The following DIAPH2 variants were observed in gnomAD, a reference collection of about 807,000 sequenced individuals.
DIAPH2 encodes the protein diaphanous related formin 2, also known as protein diaphanous homolog 2.
In DIAPH2, 35 loss-of-function variants were observed where a neutral mutation model predicts 92.7. The ratio of observed to expected loss-of-function variants is 0.38; its 90% confidence interval spans 0.29 to 0.50. The LOEUF is 0.50. Ranked by LOEUF, DIAPH2 falls within the 20% of genes least tolerant of loss-of-function variation. DIAPH2 has a pLI of 0.94. For missense variants in DIAPH2, 701 were observed against 819.5 expected (o/e 0.86, Z 1.77); for synonymous variants, 301 against 280.4 (o/e 1.07, Z -0.73).
At chrX:97,448,392 A>C (rs1286089931) in intron 26 of DIAPH2, among the ~76,000 whole-genome samples, 1 of 112,287 alleles carries the variant, frequency 8.9e-6, no homozygotes, top group Admixed American at 9.5e-5. Flanking sequence ...ACATGAAACT[A>C]AAAATTATTT....
intron 7 of DIAPH2, 59 bp downstream of exon 7, chrX:96,912,611 A>T: frequency 9.3e-7 from 1 of 1,079,510 alleles, no homozygotes; most frequent in Non-Finnish European, 1.2e-6. Context: ...CAACACTATG[A>T]AAGTATGAAA....
At position 97,198,265 on chromosome X, in the gene DIAPH2, TACACACACAC is replaced by T. The variant is rs200339851; in HGVS notation, c.2720-49420_2720-49411del. 6.0e-3 allele frequency among the ~76,000 whole-genome samples: 531 copies of T among 89,011 alleles called. 1 individual carries two copies. The highest frequency in any genetic ancestry group is 7.6e-3 in the Non-Finnish European group (350 of 46,234). 77.3% of individuals were successfully genotyped at this position (89,011 alleles called of 115,157 possible). A position where few individuals can be genotyped will look rare whatever the true frequency, so the allele number is the denominator to read the frequency against. On this transcript the variant is annotated intron_variant, in intron 22 of 26. Coordinates refer to ENST00000324765, the MANE Select transcript of DIAPH2 (RefSeq NM_006729.5). ...AGGTATACTAACAACAACAACAAAA[TACACACACAC>T]ACACACACACACACACACACACACA... is the stretch of plus-strand genomic sequence containing the variant.
At chrX:97,345,745 A>AT (rs1290382087) in intron 23 of DIAPH2, among the ~76,000 whole-genome samples, 1 of 111,428 alleles carries the variant, frequency 9.0e-6, no homozygotes, top group Non-Finnish European at 1.9e-5. Flanking sequence ...TAAACTGTTG[A>AT]TTTTGTTTCC....
chrX:97,305,658 T>TA (rs763009569), intron 23 of DIAPH2, among the ~76,000 whole-genome samples: 34 of 105,557 alleles, frequency 3.2e-4, no homozygotes, highest in South Asian at 1.7e-3. Context: ...CATCTCTACT[T>TA]AAAAAAAGAC....
intron 4 of DIAPH2, among the ~76,000 whole-genome samples, chrX:96,816,563 A>G (rs1037049061): frequency 8.9e-6 from 1 of 112,446 alleles, no homozygotes; most frequent in Non-Finnish European, 1.9e-5. Context: ...TGTCTAAAAG[A>G]CAGGCAATAA....
chrX:97,525,328 C>T (rs2071017628), intron 26 of DIAPH2, among the ~76,000 whole-genome samples: 1 of 112,169 alleles, frequency 8.9e-6, no homozygotes. Flanking sequence ...ACTGTGTCCC[C>T]CTGCCTGGAC....
intron 9 of DIAPH2, among the ~76,000 whole-genome samples, chrX:96,921,697 G>T (rs866632439): frequency 9.1e-5 from 8 of 87,986 alleles, no homozygotes; most frequent in Middle Eastern, 5.9e-3. Flanking sequence ...TACCTTTATG[G>T]TTTTTTTTTT....
At chrX:96,958,334 T>G (rs1048715001) in intron 16 of DIAPH2, among the ~76,000 whole-genome samples, 186 bp downstream of exon 16, 2 of 112,063 alleles carry the variant, frequency 1.8e-5, no homozygotes, top group Non-Finnish European at 3.8e-5. Flanking sequence ...AGTTTGACAT[T>G]GTGAAGCAGG....
chrX:96,758,030 T>G, intron 3 of DIAPH2, 124 bp from the exon 4 acceptor site: 1 of 580,761 alleles, frequency 1.7e-6, no homozygotes, highest in East Asian at 4.0e-5. Flanking sequence ...AAAAAGGATT[T>G]TTGACATTAG....
chrX:97,442,453 ATAAGTACCT>A (rs777211958), intron 26 of DIAPH2, among the ~76,000 whole-genome samples: 2 of 112,864 alleles, frequency 1.8e-5, no homozygotes, highest in Admixed American at 9.4e-5. Flanking sequence ...ACAGGTTGTC[ATAAGTACCT>A]TAAAATTTCT....
chrX:96,866,412 C>CT (rs2065105012), intron 4 of DIAPH2, among the ~76,000 whole-genome samples: 1 of 111,883 alleles, frequency 8.9e-6, no homozygotes, highest in Non-Finnish European at 1.9e-5. Flanking sequence ...ATATAGCAGT[C>CT]TTTTCCTTTG....
rs752288985 is a variant in DIAPH2, at chrX:96,949,056, T to C, written c.1614+17T>C. On this transcript the variant is annotated intron_variant, in intron 15 of 26. Transcript: ENST00000324765. ...CGAACCCAGGTAATGAAAGAAGATA[T>C]AGACTTTGTGTCATGTCACAATGAG... The C allele has an allele frequency of 1.7e-5, 18 of 1,080,732 alleles. No homozygotes were observed. Among genetic ancestry groups the C allele is most frequent in the East Asian group, 9.2e-5 (3 of 32,521 alleles). 89.1% of individuals were successfully genotyped at this position (1,080,732 alleles called of 1,213,427 possible).
chrX:97,406,018 G>T (rs1228667487), intron 25 of DIAPH2, among the ~76,000 whole-genome samples: 1 of 111,598 alleles, frequency 9.0e-6, no homozygotes, highest in African/African-American at 3.3e-5. Context: ...CCTTAATGAA[G>T]TCACCTGATC....
chrX:97,091,133 A>T (rs982958744), intron 19 of DIAPH2, among the ~76,000 whole-genome samples: 2 of 110,890 alleles, frequency 1.8e-5, no homozygotes, highest in Admixed American at 1.9e-4. Flanking sequence ...CAGCAACCCC[A>T]CAACTCCCTG....
intron 23 of DIAPH2, among the ~76,000 whole-genome samples, chrX:97,295,816 C>T (rs1719641630): frequency 9.2e-6 from 1 of 108,294 alleles, no homozygotes; most frequent in African/African-American, 3.4e-5. Context: ...ACTGCAACCT[C>T]CGCCTCTCAG....
intron 17 of DIAPH2, among the ~76,000 whole-genome samples, chrX:97,050,681 T>G (rs1040142169): frequency 6.3e-5 from 7 of 110,875 alleles, no homozygotes; most frequent in African/African-American, 2.3e-4. Flanking sequence ...TACATTAAAC[T>G]AGATCATTGC....
intron 22 of DIAPH2, among the ~76,000 whole-genome samples, chrX:97,186,852 T>C (rs1336876462): frequency 8.9e-6 from 1 of 112,040 alleles, no homozygotes; most frequent in Non-Finnish European, 1.9e-5. Flanking sequence ...ATTTCCACTA[T>C]TTTGGTCTGC....
chrX:97,570,203 A>G (rs1467339501), intron 26 of DIAPH2, among the ~76,000 whole-genome samples: 2 of 95,217 alleles, frequency 2.1e-5, no homozygotes, highest in Admixed American at 1.2e-4. Context: ...ATATGTGTAT[A>G]TGTATATATA....
chrX:97,429,813 A>G, intron 26 of DIAPH2, 68 bp downstream of exon 26: 2 of 960,729 alleles, frequency 2.1e-6, no homozygotes, highest in Non-Finnish European at 2.8e-6. Context: ...GCAACACCAA[A>G]AAAAAAAAAG....
Sources: allele counts gnomAD v4.1 joint callset (sites outside exome capture counted in the v4.1 genomes callset), GRCh38; gene constraint gnomAD v4.1.1; transcripts MANE v1.5; gene names NCBI Gene and HGNC (gene_info 2026-07-23, HGNC 2026-07-21).